Variants in TENM3 observed in about 807,000 individuals in gnomAD.
TENM3 encodes teneurin-3.
Under a neutral mutation model 255.1 loss-of-function variants are expected in TENM3, and 63 were observed. That is an observed-to-expected ratio of 0.25 (90% CI 0.20 to 0.30). The LOEUF (loss-of-function observed/expected upper bound fraction) is 0.30, where lower values mean the gene tolerates loss of function less well. Ranked by LOEUF, TENM3 falls within the 10% of genes least tolerant of loss-of-function variation. The probability of loss-of-function intolerance (pLI) is 1.00; values close to 1 mark genes in which losing one functional copy is unlikely to be tolerated. For missense variants in TENM3, 2,929 were observed against 3,461.1 expected (o/e 0.85, Z 3.86); for synonymous variants, 1,306 against 1,322.3 (o/e 0.99, Z 0.27).
At chr4:181,849,065 A>G in the TENM3 span, among the ~76,000 whole-genome samples, 1 of 152,234 alleles carries the variant, frequency 6.6e-6, no homozygotes, top group Non-Finnish European at 1.5e-5. Flanking sequence ...CAGTTCACTC[A>G]TAAACAGTAC....
At chr4:181,636,207 G>A in the TENM3 span, among the ~76,000 whole-genome samples, 20 of 152,014 alleles carry the variant, frequency 1.3e-4, no homozygotes, top group Admixed American at 2.6e-4. Flanking sequence ...CACCACATCC[G>A]GCTAATTTTG....
At chr4:182,121,634 AC>A in the TENM3 span, among the ~76,000 whole-genome samples, 1 of 152,228 alleles carries the variant, frequency 6.6e-6, no homozygotes, top group Non-Finnish European at 1.5e-5. Flanking sequence ...TGTCTAAAAA[AC>A]AATGTACATA....
At chr4:181,661,105 A>G in the TENM3 span, among the ~76,000 whole-genome samples, 7 of 152,188 alleles carry the variant, frequency 4.6e-5, no homozygotes, top group African/African-American at 1.7e-4. Flanking sequence ...TATCAAGTGA[A>G]GATAAATAAT....
chr4:182,075,200 C>CTTTTT, the TENM3 span, among the ~76,000 whole-genome samples: 1,044 of 128,172 alleles, frequency 8.1e-3, 29 homozygotes, highest in African/African-American at 0.016. Flanking sequence ...TGTTTTTTTT[C>CTTTTT]TTTTTTTTTT....
At chr4:182,113,988 C>A in the TENM3 span, among the ~76,000 whole-genome samples, 1 of 152,090 alleles carries the variant, frequency 6.6e-6, no homozygotes, top group East Asian at 1.9e-4. Flanking sequence ...TGGAAAATAC[C>A]AAAGAATGTC....
intron 3 of TENM3, among the ~76,000 whole-genome samples, chr4:182,435,914 T>C (rs1269285963): frequency 6.6e-6 from 1 of 152,152 alleles, no homozygotes; most frequent in African/African-American, 2.4e-5. Context: ...TATATTTTAC[T>C]CTTTGGAAAG....
the TENM3 span, among the ~76,000 whole-genome samples, chr4:181,472,527 G>C: frequency 6.6e-6 from 1 of 152,106 alleles, no homozygotes; most frequent in African/African-American, 2.4e-5. Context: ...GGCCAGATAA[G>C]GGGATGATTC....
At chr4:182,756,403 A>C (rs1762748970) in intron 22 of TENM3, among the ~76,000 whole-genome samples, 1 of 152,174 alleles carries the variant, frequency 6.6e-6, no homozygotes, top group Non-Finnish European at 1.5e-5. Context: ...AAGGAGAATC[A>C]GCTGTTGAGT....
chr4:181,781,208 T>G, the TENM3 span, among the ~76,000 whole-genome samples: 3 of 152,160 alleles, frequency 2.0e-5, no homozygotes, highest in South Asian at 6.2e-4. Context: ...TAAATTACCT[T>G]GGGCAGTATG....
the TENM3 span, among the ~76,000 whole-genome samples, chr4:181,468,371 C>A: frequency 2.6e-5 from 4 of 152,132 alleles, no homozygotes; most frequent in Non-Finnish European, 1.5e-5. Flanking sequence ...CCTTTATTTT[C>A]TTTTTTACAT....
the TENM3 span, among the ~76,000 whole-genome samples, chr4:181,686,451 T>C: frequency 9.2e-5 from 14 of 152,228 alleles, no homozygotes; most frequent in Middle Eastern, 6.8e-3. Context: ...CTGAACTTCA[T>C]ATTTCAGGCT....
At chr4:181,691,314 A>G in the TENM3 span, among the ~76,000 whole-genome samples, 1 of 151,946 alleles carries the variant, frequency 6.6e-6, no homozygotes, top group South Asian at 2.1e-4. Context: ...ATATGTATAC[A>G]CAAACTCATA....
intron 1 of TENM3, among the ~76,000 whole-genome samples, chr4:182,306,933 G>A (rs1333410924): frequency 1.3e-5 from 2 of 152,118 alleles, no homozygotes; most frequent in African/African-American, 4.8e-5. Flanking sequence ...GTCATAGCTG[G>A]ATCTTTCAGT....
intron 11 of TENM3, among the ~76,000 whole-genome samples, chr4:182,685,652 T>C (rs1272235053): frequency 6.6e-6 from 1 of 152,112 alleles, no homozygotes; most frequent in Non-Finnish European, 1.5e-5. Flanking sequence ...ATTACTTCTA[T>C]AGTAAAGGTA....
intron 12 of TENM3, among the ~76,000 whole-genome samples, chr4:182,711,885 G>GT (rs1204771617): frequency 6.6e-6 from 1 of 151,878 alleles, no homozygotes; most frequent in Non-Finnish European, 1.5e-5. Context: ...GGTTTTGGAG[G>GT]TTTTTTTCTT....
chr4:182,695,510 G>T (rs1375493680), intron 12 of TENM3, among the ~76,000 whole-genome samples: 1 of 152,160 alleles, frequency 6.6e-6, no homozygotes, highest in African/African-American at 2.4e-5. Flanking sequence ...GGTACATTTA[G>T]TTTAGATTTA....
chr4:182,254,688 T>G (rs985800873), intron 1 of TENM3, among the ~76,000 whole-genome samples: 1 of 152,194 alleles, frequency 6.6e-6, no homozygotes, highest in African/African-American at 2.4e-5. Context: ...GTGTGAGAAG[T>G]CTTTTATTTC....
chr4:182,282,892 CAGAAAAAAA>C (rs1760480737), intron 1 of TENM3, among the ~76,000 whole-genome samples: 4 of 89,382 alleles, frequency 4.5e-5, no homozygotes, highest in East Asian at 3.3e-4. Flanking sequence ...GACTCCATTT[CAGAAAAAAA>C]AAAAAAAAAA....
the TENM3 span, among the ~76,000 whole-genome samples, chr4:182,014,307 A>G: frequency 6.6e-6 from 1 of 151,938 alleles, no homozygotes; most frequent in South Asian, 2.1e-4. Flanking sequence ...TAAATAGAGC[A>G]AGGTTAGCCT....
Sources: allele counts gnomAD v4.1 joint callset (sites outside exome capture counted in the v4.1 genomes callset), GRCh38; gene constraint gnomAD v4.1.1; transcripts MANE v1.5; gene names NCBI Gene and HGNC (gene_info 2026-07-23, HGNC 2026-07-21).